RNF213: variants seen among roughly 807,000 people sequenced by gnomAD.
RNF213 encodes E3 ubiquitin-protein ligase RNF213.
Under a neutral mutation model 514.4 loss-of-function variants are expected in RNF213, and 341 were observed. That is an observed-to-expected ratio of 0.66 (90% confidence interval 0.61 to 0.73). RNF213 has a LOEUF of 0.73. Ranked by LOEUF, RNF213 falls within the 30% of genes least tolerant of loss-of-function variation. RNF213 has a pLI of 0.00. For missense variants in RNF213, 5,767 were observed against 6,615.6 expected (o/e 0.87, Z 4.45); for synonymous variants, 2,655 against 2,658.2 (o/e 1.00, Z 0.04).
chr17:80,338,062 C>T, intron 25 of RNF213, 65 bp downstream of exon 25: 1 of 1,516,650 alleles, frequency 6.6e-7, no homozygotes, highest in Non-Finnish European at 8.9e-7. Context: ...GGGCTGTGTA[C>T]TCCCAAGAAA....
At chr17:80,364,702 G>A in intron 42 of RNF213, 149 bp downstream of exon 42, 1 of 860,384 alleles carries the variant, frequency 1.2e-6, no homozygotes, top group Non-Finnish European at 1.9e-6. Context: ...TTCATCACTA[G>A]GCCATTACAT....
chr17:80,375,915 G>C, intron 51 of RNF213, 45 bp downstream of exon 51: 1 of 1,327,294 alleles, frequency 7.5e-7, no homozygotes, highest in African/African-American at 1.4e-5. Flanking sequence ...TCAGTATTTG[G>C]AGGGATTTTA....
intron 18 of RNF213, among the ~76,000 whole-genome samples, chr17:80,326,121 G>A (rs954764153): frequency 3.9e-5 from 6 of 152,024 alleles, no homozygotes; most frequent in Non-Finnish European, 8.8e-5. Flanking sequence ...ACTGTGCCCA[G>A]CAGTTTATTT....
intron 11 of RNF213, 28 bp downstream of exon 11, chr17:80,298,546 A>G (rs1207426017): frequency 1.9e-6 from 3 of 1,613,470 alleles, no homozygotes; most frequent in Non-Finnish European, 1.7e-6. Flanking sequence ...GCTTATCTAC[A>G]TGAATCTGGG....
chr17:80,291,637 T>TC lies in RNF213; in HGVS notation c.1282dup (p.His428ProfsTer2), dbSNP rs757008952. ...TCCTGTTCATTCACAGAGACTTGGG[T>TC]CATGACCGCGTTCTTGTTGAAGGCA... On this transcript the variant is annotated frameshift_variant, in exon 8 of 68. Transcript: ENST00000582970. LOFTEE classifies it high-confidence loss of function. 1 of 1,614,220 alleles carries TC rather than the reference T, an allele frequency of 6.2e-7. No homozygotes were observed. The highest frequency in any genetic ancestry group is 1.1e-5 in the South Asian group (1 of 91,088).
rs1230038330 is a variant in RNF213 at position 80,374,559 on chromosome 17, C to T, written c.13044C>T (p.Cys4348=). The change falls in exon 50 of 68, where the codon TGC becomes TGT. Residue 4348 remains cysteine, a synonymous_variant. Transcript: ENST00000582970. ...RDAVAKAVLE[C]KPLGIKTALK... ...CTGTGGCCAAAGCTGTCCTCGAGTGCAAGCCACTGGGCATTAAGACTGCTC... is the reference window on the plus strand; with the variant it reads ...CTGTGGCCAAAGCTGTCCTCGAGTGTAAGCCACTGGGCATTAAGACTGCTC... 5.0e-6 allele frequency: 8 copies of T among 1,614,066 alleles called. No individual in the cohort carries two copies. The highest frequency in any genetic ancestry group is 6.8e-6 in the Non-Finnish European group (8 of 1,180,038).
chr17:80,310,555 AT>A (rs764917009), intron 14 of RNF213, among the ~76,000 whole-genome samples: 242 of 122,414 alleles, frequency 2.0e-3, no homozygotes, highest in Admixed American at 2.1e-3. Flanking sequence ...ACCCAGCACA[AT>A]TTTTTTTTTT....
rs116453346 is a variant in RNF213 at position 80,350,997 on chromosome 17, G to C, written c.10184+601G>C. Among the ~76,000 whole-genome samples, 94 of 152,294 alleles carry C rather than the reference G, an allele frequency of 6.2e-4. 1 individual carries two copies. Among genetic ancestry groups the C allele is most frequent in the African/African-American group, 2.0e-3 (84 of 41,548 alleles). On this transcript the variant is annotated intron_variant, in intron 31 of 67. Coordinates refer to ENST00000582970, the MANE Select transcript of RNF213 (RefSeq NM_001256071.3). ...TTCCTATTTATTGGATATTTTTATA[G>C]TGTTTGTAGGGGAAGTCTGATGCTC...
At position 80,393,328 on chromosome 17, in the gene RNF213, CTT is replaced by C. The variant is rs2080560564; in HGVS notation, c.15471-16_15471-15del. The C allele has an allele frequency of 3.7e-6, 6 of 1,612,908 alleles. No homozygotes were observed. The highest frequency in any genetic ancestry group is 1.3e-5 in the African/African-American group (1 of 74,864). ...CTGAGGAGACTGTTTTAAATGCTCT[CTT>C]CTTTGGTTTTTCAGCCTGAGAGACA... On this transcript the variant is annotated splice_polypyrimidine_tract_variant and intron_variant, in intron 67 of 67. Coordinates refer to ENST00000582970, the MANE Select transcript of RNF213 (RefSeq NM_001256071.3).
chr17:80,292,045 G>C (rs143189961), intron 8 of RNF213: 9 of 620,750 alleles, frequency 1.4e-5, no homozygotes, highest in Middle Eastern at 4.3e-4. Flanking sequence ...TTTGAGCTCA[G>C]TGTGACTTAC....
chr17:80,280,042 G>A (rs2044203092), intron 3 of RNF213, among the ~76,000 whole-genome samples: 1 of 152,138 alleles, frequency 6.6e-6, no homozygotes, highest in Non-Finnish European at 1.5e-5. Context: ...CATCCACCAC[G>A]CCTAGGTCTT....
chr17:80,384,835 C>T, intron 59 of RNF213: 2 of 631,994 alleles, frequency 3.2e-6, no homozygotes, highest in Non-Finnish European at 5.7e-6. Context: ...CTCTTCGCCG[C>T]CCTCCATTTC....
At chr17:80,319,630 G>A in intron 17 of RNF213, 1 of 1,520,376 alleles carries the variant, frequency 6.6e-7, no homozygotes, top group South Asian at 1.2e-5. Context: ...CACTGTGGCT[G>A]CTGGTTTGAT....
chr17:80,343,953 T>G lies in RNF213; in HGVS notation c.6280T>G (p.Leu2094Val). 1 of 1,614,218 alleles carries G rather than the reference T, an allele frequency of 6.2e-7. No homozygotes were observed. The highest frequency in any genetic ancestry group is 1.1e-5 in the South Asian group (1 of 91,088). The stretch of plus-strand genomic sequence containing the variant: ...AATGTGGCTTCGGAACCCCTGCCAT[T>G]TGTATATCGTTGAAATCCTGGAAAG... ...GKMWLRNPCH[L>V]YIVEILERRT... is the part of the protein sequence containing the mutation. Residue 2094 changes from leucine (L) to valine (V), a missense_variant, in exon 28 of 68, where the codon TTG becomes GTG. By Grantham distance (32) the Leu-to-Val change is conservative (BLOSUM62 1). Around this residue, in one of 13 missense-constraint regions of RNF213, gnomAD observed 1,377 missense variants for 1,635.2 expected, o/e 0.84. Transcript: ENST00000582970. This position sits in a 1 kb window ranked among gnomAD's most constrained non-coding sequence, Gnocchi z 4.3.
intron 1 of RNF213, among the ~76,000 whole-genome samples, chr17:80,262,418 A>G (rs1319482742): frequency 1.3e-5 from 2 of 152,016 alleles, no homozygotes; most frequent in Non-Finnish European, 2.9e-5. Context: ...TTGGGGCTGG[A>G]GAGGGGAGGT....
chr17:80,369,917 T>A (rs369674946), intron 46 of RNF213, 50 bp downstream of exon 46: 1 of 1,271,874 alleles, frequency 7.9e-7, no homozygotes, highest in Non-Finnish European at 1.1e-6. Flanking sequence ...CTTTTTCTCT[T>A]CATCGCAGCG....
At chr17:80,269,356 A>G (rs2145114195) in intron 2 of RNF213, among the ~76,000 whole-genome samples, 1 of 151,840 alleles carries the variant, frequency 6.6e-6, no homozygotes, top group African/African-American at 2.4e-5. Flanking sequence ...CCTCTACCCT[A>G]TCTGTCCACC....
Position 80,353,677 on chromosome 17 carries a change from G to A in RNF213, c.10578+11G>A, listed in dbSNP as rs892911210. On this transcript the variant is annotated intron_variant, in intron 34 of 67. Transcript: ENST00000582970. The surrounding 1 kb of genome is among the most constrained non-coding windows in gnomAD (Gnocchi z 5.0). ...CTCGGAGGCAGTGATGTAAGTTCTG[G>A]TTCTTGGGACCTCCCCTTGTGCTGC... 9 of 1,614,082 alleles carry A rather than the reference G, an allele frequency of 5.6e-6. No individual in the cohort carries two copies. The highest frequency in any genetic ancestry group is 5.9e-6 in the Non-Finnish European group (7 of 1,180,038).
chr17:80,372,229 T>C (rs557747414), intron 47 of RNF213, among the ~76,000 whole-genome samples: 4 of 152,346 alleles, frequency 2.6e-5, no homozygotes, highest in African/African-American at 7.2e-5. Context: ...GTGGTTATCA[T>C]TGAGTGGGGA....
Sources: gnomAD v4.1 joint callset for allele counts (sites outside exome capture counted in the v4.1 genomes callset) on GRCh38, gnomAD v4.1.1 for gene constraint, gnomAD v4.1.1 regional missense constraint, Gnocchi (gnomAD v3.1) non-coding constraint, MANE v1.5 for transcripts, NCBI Gene and HGNC (gene_info 2026-07-23, HGNC 2026-07-21) for gene names.